The following CDK14 variants were observed in gnomAD, a reference collection of about 807,000 sequenced individuals.
CDK14 encodes the protein cyclin-dependent kinase 14.
Under a neutral mutation model 60.7 loss-of-function variants are expected in CDK14, and 34 were observed. The observed-to-expected ratio is 0.56, with a 90% CI of 0.43 to 0.75. CDK14 has a LOEUF of 0.75. Ranked by LOEUF, CDK14 falls within the 30% of genes least tolerant of loss-of-function variation. The pLI, the probability that CDK14 is intolerant of heterozygous loss-of-function variation, is 0.00. For missense variants in CDK14, 482 were observed against 564.1 expected (o/e 0.85, Z 1.47); for synonymous variants, 197 against 203.7 (o/e 0.97, Z 0.28).
At position 90,647,364 on chromosome 7, in the gene CDK14, G is replaced by A. The variant is rs370335099; in HGVS notation, c.123+43115G>A. 1.2e-4 allele frequency among the ~76,000 whole-genome samples: 19 copies of A among 152,196 alleles called. No homozygotes were observed. The South Asian group carries it at 3.9e-3, about 32-fold the overall frequency. ...TTCAATATTAGAACAATCTTAGGGG[G>A]CCTGACCTTGCTTGGCTTTGCTTGC... On this transcript the variant is annotated intron_variant, in intron 2 of 14. Transcript: ENST00000380050.
rs138771167 is a variant in CDK14 at position 91,156,364 on chromosome 7, A to G, written c.*28+38156A>G. 1.7e-4 allele frequency among the ~76,000 whole-genome samples: 26 copies of G among 152,098 alleles called. No individual in the cohort carries two copies. In the East Asian group the frequency reaches 4.6e-3, roughly 27 times the overall value. On this transcript the variant is annotated intron_variant, in intron 14 of 14. Transcript: ENST00000380050. ...TAAACTGTTCTTTGTCCTGTTTTCTATTACTTCTTGGTTGCCCAGCACAGC... is the reference window on the plus strand; with the variant it reads ...TAAACTGTTCTTTGTCCTGTTTTCTGTTACTTCTTGGTTGCCCAGCACAGC...
At chr7:91,082,378 A>ATCT (rs1438749287) in intron 12 of CDK14, among the ~76,000 whole-genome samples, 1 of 152,232 alleles carries the variant, frequency 6.6e-6, no homozygotes, top group Non-Finnish European at 1.5e-5. Context: ...GGTAACAAGA[A>ATCT]GCACGTCTAC....
chr7:90,638,613 A>C (rs1452139202), intron 2 of CDK14, among the ~76,000 whole-genome samples: 12 of 151,950 alleles, frequency 7.9e-5, no homozygotes, highest in Non-Finnish European at 1.5e-4. Flanking sequence ...TGTGTCTTGG[A>C]GTTGCTCTTC....
chr7:90,605,779 C>CT (rs1799404387), intron 2 of CDK14, among the ~76,000 whole-genome samples: 1 of 152,198 alleles, frequency 6.6e-6, no homozygotes, highest in South Asian at 2.1e-4. Context: ...TTATATCCCG[C>CT]TTTTTTCTTT....
At chr7:90,852,214 A>T (rs901024286) in intron 5 of CDK14, among the ~76,000 whole-genome samples, 2 of 152,096 alleles carry the variant, frequency 1.3e-5, no homozygotes, top group African/African-American at 4.8e-5. Flanking sequence ...TAATGTTATT[A>T]TTTTTTGTAT....
intron 2 of CDK14, among the ~76,000 whole-genome samples, chr7:90,637,834 T>A (rs11975658): frequency 0.18 from 26,214 of 146,452 alleles, 2,533 homozygotes; most frequent in Middle Eastern, 0.21. Context: ...TGGGTGCATA[T>A]ATATTTAGGA....
At chr7:90,621,647 T>TTCCTGCCTTCCTG (rs1563018738) in intron 2 of CDK14, among the ~76,000 whole-genome samples, 19 of 72,824 alleles carry the variant, frequency 2.6e-4, no homozygotes, top group East Asian at 8.6e-4. Context: ...CTTCCTTCCT[T>TTCCTGCCTTCCTG]CCTTCCTTCC....
chr7:90,905,485 CATA>C (rs1160822535), intron 7 of CDK14, among the ~76,000 whole-genome samples: 2 of 152,016 alleles, frequency 1.3e-5, no homozygotes, highest in Non-Finnish European at 2.9e-5. Context: ...TTTACATGGT[CATA>C]ATAATTTAAA....
At chr7:91,186,615 T>G (rs1447181323) in intron 14 of CDK14, among the ~76,000 whole-genome samples, 1 of 152,106 alleles carries the variant, frequency 6.6e-6, no homozygotes, top group Admixed American at 6.5e-5. Context: ...TACTTTTGAG[T>G]GAACCCTTCT....
At chr7:91,123,143 A>T (rs977204545) in intron 14 of CDK14, among the ~76,000 whole-genome samples, 6 of 152,190 alleles carry the variant, frequency 3.9e-5, no homozygotes, top group African/African-American at 1.4e-4. Flanking sequence ...ACTATTGACT[A>T]AAGGTCCTTT....
intron 3 of CDK14, among the ~76,000 whole-genome samples, chr7:90,732,927 ATGTTAGGG>A (rs201451841): frequency 0.16 from 23,602 of 151,658 alleles, 1,857 homozygotes; most frequent in South Asian, 0.18. Context: ...TTTAATTTTG[ATGTTAGGG>A]TGTCAATTTT....
chr7:90,780,899 A>G (rs1218087256), intron 4 of CDK14, among the ~76,000 whole-genome samples: 1 of 151,758 alleles, frequency 6.6e-6, no homozygotes. Flanking sequence ...ATGATTTATA[A>G]TCCTTTGGGT....
chr7:91,187,128 T>A (rs760593006), intron 14 of CDK14, among the ~76,000 whole-genome samples: 5 of 152,258 alleles, frequency 3.3e-5, no homozygotes, highest in African/African-American at 4.8e-5. Context: ...TTACTCTTTG[T>A]GCTTGTAATA....
intron 5 of CDK14, among the ~76,000 whole-genome samples, chr7:90,862,221 A>G (rs73401846): frequency 0.031 from 4,657 of 152,262 alleles, 234 homozygotes; most frequent in African/African-American, 0.1. Context: ...TAAATGGTCT[A>G]AACATCAAAA....
chr7:90,914,619 A>C (rs920324265), intron 7 of CDK14, among the ~76,000 whole-genome samples: 2 of 152,126 alleles, frequency 1.3e-5, no homozygotes, highest in East Asian at 3.9e-4. Flanking sequence ...TCATGTATAC[A>C]CTTAGAATTT....
At chr7:91,197,844 C>T (rs115011795) in intron 14 of CDK14, among the ~76,000 whole-genome samples, 2,186 of 152,342 alleles carry the variant, frequency 0.014, 39 homozygotes, top group African/African-American at 0.048. Flanking sequence ...TATCAAAATA[C>T]TTTAACCAAT....
At chr7:90,709,829 T>C in intron 2 of CDK14, 2 of 1,409,024 alleles carry the variant, frequency 1.4e-6, no homozygotes. Flanking sequence ...GGCCGTACCA[T>C]TTCAGCTTGC....
intron 14 of CDK14, among the ~76,000 whole-genome samples, chr7:91,134,058 G>A (rs1214295230): frequency 6.6e-6 from 1 of 152,180 alleles, no homozygotes; most frequent in Non-Finnish European, 1.5e-5. Context: ...ATAAGAATTT[G>A]GGACTCCGGA....
intron 6 of CDK14, among the ~76,000 whole-genome samples, chr7:90,869,358 C>T (rs1791293453): frequency 6.6e-6 from 1 of 152,132 alleles, no homozygotes; most frequent in African/African-American, 2.4e-5. Context: ...GCATTCTAGG[C>T]AGAAAGCTTG....
Sources: gnomAD v4.1 joint callset for allele counts (sites outside exome capture counted in the v4.1 genomes callset) on GRCh38, gnomAD v4.1.1 for gene constraint, MANE v1.5 for transcripts, NCBI Gene and HGNC (gene_info 2026-07-23, HGNC 2026-07-21) for gene names.